GNG7: variants seen among roughly 807,000 people sequenced by gnomAD.
The protein encoded by GNG7 is guanine nucleotide-binding protein G(I)/G(S)/G(O) subunit gamma-7.
A neutral mutation model predicts 4.0 loss-of-function variants in GNG7; 1 was observed. The ratio of observed to expected loss-of-function variants is 0.25; its 90% CI spans 0.09 to 1.18. The LOEUF is 1.18. GNG7 is among the 50% of genes most tolerant of loss of function. The probability of loss-of-function intolerance (pLI) is 0.50; values close to 1 mark genes in which losing one functional copy is unlikely to be tolerated. For missense variants in GNG7, 86 were observed against 91.9 expected, an observed-to-expected ratio of 0.94 and a Z score of 0.26; for synonymous variants, 34 against 36.9, an observed-to-expected ratio of 0.92 and a Z score of 0.29.
At chr19:2,684,382 GC>G (rs1983819616) in intron 1 of GNG7, among the ~76,000 whole-genome samples, 2 of 151,542 alleles carry the variant, frequency 1.3e-5, no homozygotes, top group African/African-American at 4.8e-5. Context: ...TGATCCGCCT[GC>G]CTCAGGCTCC....
intron 3 of GNG7, among the ~76,000 whole-genome samples, chr19:2,533,361 C>G (rs569726827): frequency 6.6e-6 from 1 of 151,788 alleles, no homozygotes; most frequent in Non-Finnish European, 1.5e-5. Flanking sequence ...CAAGAATAGG[C>G]AAAACTATGG....
At chr19:2,563,869 G>A (rs190479697) in intron 2 of GNG7, among the ~76,000 whole-genome samples, 7 of 152,138 alleles carry the variant, frequency 4.6e-5, no homozygotes, top group South Asian at 2.1e-4. Flanking sequence ...TTAAACCTTC[G>A]CACCCAAACT....
At chr19:2,564,738 T>C (rs1480149687) in intron 2 of GNG7, among the ~76,000 whole-genome samples, 1 of 152,146 alleles carries the variant, frequency 6.6e-6, no homozygotes, top group Non-Finnish European at 1.5e-5. Flanking sequence ...CTGGAGTCTC[T>C]GGAGGGAGCC....
chr19:2,640,575 T>TG (rs1729881214), intron 2 of GNG7, among the ~76,000 whole-genome samples: 1 of 152,178 alleles, frequency 6.6e-6, no homozygotes, highest in Non-Finnish European at 1.5e-5. Flanking sequence ...GGTGCTGGGC[T>TG]GGGGAACTTA....
intron 1 of GNG7, among the ~76,000 whole-genome samples, chr19:2,649,730 T>G (rs1445708760): frequency 6.6e-6 from 1 of 152,172 alleles, no homozygotes; most frequent in East Asian, 1.9e-4. Context: ...AACTAACGCC[T>G]GTACCATACA....
intron 3 of GNG7, among the ~76,000 whole-genome samples, chr19:2,536,317 C>G (rs1292991528): frequency 4.6e-5 from 7 of 151,778 alleles, no homozygotes; most frequent in Non-Finnish European, 1.5e-5. Context: ...ACTCAGGAGG[C>G]TGAGGCAGGA....
intron 2 of GNG7, among the ~76,000 whole-genome samples, chr19:2,625,546 G>T (rs1201921064): frequency 6.6e-6 from 1 of 152,098 alleles, no homozygotes; most frequent in East Asian, 1.9e-4. Flanking sequence ...TCGGTCACGG[G>T]GATCAGGAAG....
At chr19:2,702,183 C>G (rs1327359469) in intron 1 of GNG7, among the ~76,000 whole-genome samples, 1 of 148,110 alleles carries the variant, frequency 6.8e-6, no homozygotes, top group Non-Finnish European at 1.5e-5. Flanking sequence ...CCAGCCCCCT[C>G]CTCAGCTAAC....
At chr19:2,654,076 G>A (rs1283835664) in intron 1 of GNG7, among the ~76,000 whole-genome samples, 1 of 152,090 alleles carries the variant, frequency 6.6e-6, no homozygotes, top group Non-Finnish European at 1.5e-5. Flanking sequence ...TTGAGACTCT[G>A]CATATGCACG....
At chr19:2,596,197 G>A (rs1236960771) in intron 2 of GNG7, among the ~76,000 whole-genome samples, 2 of 151,704 alleles carry the variant, frequency 1.3e-5, no homozygotes, top group African/African-American at 4.8e-5. Context: ...CATCTCTACT[G>A]AAAATACAAA....
At chr19:2,682,484 GA>G (rs577999621) in intron 1 of GNG7, among the ~76,000 whole-genome samples, 192 of 151,086 alleles carry the variant, frequency 1.3e-3, no homozygotes, top group African/African-American at 3.4e-3. Flanking sequence ...CCAACATAGC[GA>G]AACCCCGTCT....
chr19:2,515,248 C>T (rs796891408), intron 4 of GNG7, 101 bp from the exon 5 acceptor site: 10 of 1,465,636 alleles, frequency 6.8e-6, no homozygotes, highest in South Asian at 4.9e-5. Flanking sequence ...GCGGAAACAG[C>T]TCAGGAGCCC....
intron 1 of GNG7, among the ~76,000 whole-genome samples, chr19:2,658,389 T>G (rs1983051561): frequency 6.6e-6 from 1 of 152,112 alleles, no homozygotes; most frequent in Admixed American, 6.6e-5. Context: ...GGAAAAGGCT[T>G]TTTAGCCCCG....
At chr19:2,682,595 G>A (rs182409120) in intron 1 of GNG7, among the ~76,000 whole-genome samples, 12 of 148,704 alleles carry the variant, frequency 8.1e-5, no homozygotes, top group Admixed American at 5.4e-4. Context: ...CCCGGGAGAC[G>A]GAGGTTGCAG....
Position 2,543,726 on chromosome 19 carries a change from G to A in GNG7, c.-38+11423C>T, listed in dbSNP as rs2144750078. ...ATTCCAGCTCAGAGCGGGCTCTGGCGGCTTCCAGGCAGCTCCACAATGAGG... is the reference window on the plus strand; with the variant it reads ...ATTCCAGCTCAGAGCGGGCTCTGGCAGCTTCCAGGCAGCTCCACAATGAGG... On this transcript the variant is annotated intron_variant, in intron 3 of 4. Transcript: ENST00000382159. Among the ~76,000 whole-genome samples the A allele has an allele frequency of 1.3e-5, 2 of 152,248 alleles. 1 individual carries two copies. Among genetic ancestry groups the A allele is most frequent in the South Asian group, 4.2e-4 (2 of 4,818 alleles).
At chr19:2,687,744 G>C (rs1487700850) in intron 1 of GNG7, among the ~76,000 whole-genome samples, 3 of 150,812 alleles carry the variant, frequency 2.0e-5, no homozygotes, top group Non-Finnish European at 4.4e-5. Flanking sequence ...GGGAGGCCGA[G>C]GCAGGCAGAT....
rs1332253018 is a variant in GNG7 at position 2,657,399 on chromosome 19, T to TATATATATACAC, written c.-134-11120_-134-11119insGTGTATATATAT. Among the ~76,000 whole-genome samples, 160 of 80,586 alleles carry TATATATATACAC rather than the reference T, an allele frequency of 2.0e-3. 3 individuals are homozygous for TATATATATACAC. Among genetic ancestry groups the TATATATATACAC allele is most frequent in the Non-Finnish European group, 2.7e-3 (116 of 42,574 alleles). The allele number at this position is 80,586 out of a possible 152,430, so 52.9% of individuals were successfully genotyped here. ...ATATATATATATATATATATATATA[T>TATATATATACAC]ACACATAATAACATTTATCCTAAAA... On this transcript the variant is annotated intron_variant, in intron 1 of 4. Transcript: ENST00000382159.
chr19:2,667,500 C>G (rs1599451954), intron 1 of GNG7, among the ~76,000 whole-genome samples: 2 of 152,234 alleles, frequency 1.3e-5, no homozygotes, highest in Admixed American at 1.3e-4. Context: ...CATTTGGGGC[C>G]AGGTGCAGTG....
chr19:2,541,677 G>C (rs1158250941), intron 3 of GNG7, among the ~76,000 whole-genome samples: 6 of 151,936 alleles, frequency 3.9e-5, no homozygotes, highest in Non-Finnish European at 8.8e-5. Context: ...GGGAGGCGGA[G>C]GTTGCAGTGA....
Sources: allele counts gnomAD v4.1 joint callset (sites outside exome capture counted in the v4.1 genomes callset), GRCh38; gene constraint gnomAD v4.1.1; transcripts MANE v1.5; gene names NCBI Gene and HGNC (gene_info 2026-07-23, HGNC 2026-07-21).